The following MEF2A variants were observed in gnomAD, a reference collection of about 807,000 sequenced individuals.
The protein encoded by MEF2A is myocyte-specific enhancer factor 2A.
A neutral mutation model predicts 55.8 loss-of-function variants in MEF2A; 28 were observed. That is an observed-to-expected ratio of 0.50 (90% CI 0.37 to 0.69). The LOEUF is 0.69. MEF2A is among the 30% of genes least tolerant of loss of function. The probability of loss-of-function intolerance (pLI) is 0.00; values close to 1 mark genes in which losing one functional copy is unlikely to be tolerated. For missense variants in MEF2A, 528 were observed against 626.2 expected, an observed-to-expected ratio of 0.84 and a Z score of 1.67; for synonymous variants, 239 against 227.1, an observed-to-expected ratio of 1.05 and a Z score of -0.47.
At chr15:99,581,082 G>T (rs908208365) in intron 1 of MEF2A, among the ~76,000 whole-genome samples, 2 of 151,880 alleles carry the variant, frequency 1.3e-5, no homozygotes, top group Admixed American at 6.6e-5. Flanking sequence ...AGTTCTTTAT[G>T]CTTGGTTTTC....
intron 3 of MEF2A, among the ~76,000 whole-genome samples, 181 bp downstream of exon 3, chr15:99,633,354 C>G (rs1311642881): frequency 6.6e-6 from 1 of 151,972 alleles, no homozygotes; most frequent in Admixed American, 6.5e-5. Flanking sequence ...TTTAAAGAGA[C>G]TTCCTTATTA....
At chr15:99,615,124 G>A (rs1273562831) in intron 2 of MEF2A, among the ~76,000 whole-genome samples, 1 of 152,204 alleles carries the variant, frequency 6.6e-6, no homozygotes, top group Admixed American at 6.5e-5. Context: ...AACAGTGGCT[G>A]GTACAGAAAA....
chr15:99,698,766 TG>T, intron 8 of MEF2A, among the ~76,000 whole-genome samples: 1 of 151,488 alleles, frequency 6.6e-6, no homozygotes, highest in East Asian at 1.9e-4. Context: ...CACTCCAGCC[TG>T]GGCAACAAGA....
chr15:99,567,620 G>A (rs1006614892), intron 1 of MEF2A, among the ~76,000 whole-genome samples: 15 of 137,344 alleles, frequency 1.1e-4, no homozygotes, highest in South Asian at 4.4e-4. Flanking sequence ...TATGGCTTTT[G>A]TATGTACTGT....
intron 1 of MEF2A, among the ~76,000 whole-genome samples, chr15:99,597,670 G>C (rs1434152121): frequency 1.3e-5 from 2 of 151,992 alleles, no homozygotes; most frequent in Non-Finnish European, 2.9e-5. Context: ...TTGTGGCTTG[G>C]GGGGCATCAC....
At chr15:99,709,027 C>A (rs539269734) in intron 10 of MEF2A, among the ~76,000 whole-genome samples, 7 of 152,128 alleles carry the variant, frequency 4.6e-5, no homozygotes, top group Non-Finnish European at 5.9e-5. Flanking sequence ...TAGAGGAGTG[C>A]CATGACCATA....
intron 4 of MEF2A, among the ~76,000 whole-genome samples, chr15:99,647,429 C>T (rs2046141875): frequency 6.6e-6 from 1 of 152,138 alleles, no homozygotes; most frequent in Non-Finnish European, 1.5e-5. Context: ...CAACCACCTC[C>T]TTAACCCTAA....
At chr15:99,699,279 C>T (rs949487045) in intron 8 of MEF2A, among the ~76,000 whole-genome samples, 1 of 152,122 alleles carries the variant, frequency 6.6e-6, no homozygotes, top group African/African-American at 2.4e-5. Context: ...ATTCACCCAG[C>T]AATACAGATG....
intron 1 of MEF2A, among the ~76,000 whole-genome samples, chr15:99,595,354 C>G (rs1455110046): frequency 2.0e-5 from 3 of 152,094 alleles, no homozygotes; most frequent in Non-Finnish European, 4.4e-5. Context: ...TCTGGCAGTA[C>G]TTCCTTCCCT....
At chr15:99,711,135 C>G (rs539390799) in intron 11 of MEF2A, among the ~76,000 whole-genome samples, 2 of 152,356 alleles carry the variant, frequency 1.3e-5, no homozygotes, top group East Asian at 3.9e-4. Context: ...GCACCTGCCT[C>G]TGGCTGCACT....
intron 3 of MEF2A, among the ~76,000 whole-genome samples, chr15:99,636,653 G>GT (rs1442388421): frequency 2.0e-5 from 3 of 152,072 alleles, no homozygotes; most frequent in African/African-American, 7.2e-5. Context: ...CTTTCTTAAT[G>GT]TTTTAAAAAA....
intron 4 of MEF2A, among the ~76,000 whole-genome samples, chr15:99,660,699 C>T (rs2048473212): frequency 6.6e-6 from 1 of 152,116 alleles, no homozygotes; most frequent in Non-Finnish European, 1.5e-5. Context: ...TCTAGCATTA[C>T]TTATACTAAT....
intron 4 of MEF2A, among the ~76,000 whole-genome samples, chr15:99,664,500 A>C (rs1481509194): frequency 6.6e-6 from 1 of 152,210 alleles, no homozygotes; most frequent in Non-Finnish European, 1.5e-5. Flanking sequence ...ATTCAAAATG[A>C]TATTGAGGGG....
chr15:99,603,543 T>TTTTGTGTGTGTGTG (rs1555455133), intron 2 of MEF2A, among the ~76,000 whole-genome samples: 1 of 126,422 alleles, frequency 7.9e-6, no homozygotes. Flanking sequence ...CTGGCTGATT[T>TTTTGTGTGTGTGTG]TGTGTGTGTG....
intron 3 of MEF2A, among the ~76,000 whole-genome samples, chr15:99,634,404 A>G (rs2043417023): frequency 6.6e-6 from 1 of 152,174 alleles, no homozygotes; most frequent in African/African-American, 2.4e-5. Flanking sequence ...TTCCAAAGGA[A>G]TCATTCCAAG....
intron 1 of MEF2A, among the ~76,000 whole-genome samples, chr15:99,575,540 A>T (rs1030832467): frequency 6.6e-6 from 1 of 152,130 alleles, no homozygotes; most frequent in Non-Finnish European, 1.5e-5. Flanking sequence ...CATGTTGTTG[A>T]TGTTTATTTG....
chr15:99,619,535 T>C (rs1032100322), intron 2 of MEF2A, among the ~76,000 whole-genome samples: 1 of 152,240 alleles, frequency 6.6e-6, no homozygotes, highest in African/African-American at 2.4e-5. Flanking sequence ...TGTATTGCTG[T>C]TGTTACTATG....
intron 8 of MEF2A, among the ~76,000 whole-genome samples, chr15:99,702,429 CTTTTTTTT>C (rs11429799): frequency 1.5e-5 from 2 of 134,348 alleles, no homozygotes; most frequent in Admixed American, 7.6e-5. Context: ...AAAAATGTTT[CTTTTTTTT>C]TTTTTTTTTG....
rs756021312 is a variant in MEF2A, at chr15:99,712,518, AGCAGCAGCAGCAGCAGCAGCC to A, written c.1268_1288del (p.Gln423_Pro429del). On this transcript the variant is annotated inframe_deletion, in exon 12 of 12. Coordinates refer to ENST00000557942, the MANE Select transcript of MEF2A (RefSeq NM_001319206.4). The surrounding 1 kb of genome is among the most constrained non-coding windows in gnomAD (Gnocchi z 4.1). ...CCATCGGGCTTCCAGCAGCAGCAGC[AGCAGCAGCAGCAGCAGCAGCC>A]GCCGCCACCACCGCAGCCCCAGCCA... is the stretch of plus-strand genomic sequence containing the variant. The A allele has an allele frequency of 2.0e-6, 3 of 1,521,274 alleles. No homozygotes were observed. Among genetic ancestry groups the A allele is most frequent in the African/African-American group, 1.4e-5 (1 of 71,472 alleles). The allele number at this position is 1,521,274 out of a possible 1,614,324, so 94.2% of individuals were successfully genotyped here.
Sources: allele counts gnomAD v4.1 joint callset (sites outside exome capture counted in the v4.1 genomes callset), GRCh38; gene constraint gnomAD v4.1.1; non-coding constraint Gnocchi (gnomAD v3.1); transcripts MANE v1.5; gene names NCBI Gene and HGNC (gene_info 2026-07-23, HGNC 2026-07-21).